CACNA2D1: variants seen among roughly 807,000 people sequenced by gnomAD.
The protein encoded by CACNA2D1 is calcium voltage-gated channel auxiliary subunit alpha2delta 1, also known as voltage-dependent calcium channel subunit alpha-2/delta-1.
CACNA2D1 carries 53 observed loss-of-function variants against 171.5 expected under a neutral mutation model. That is an observed-to-expected ratio of 0.31 (90% CI 0.25 to 0.39). The LOEUF (loss-of-function observed/expected upper bound fraction) is 0.39, where lower values mean the gene tolerates loss of function less well. Ranked by LOEUF, CACNA2D1 falls within the 10% of genes least tolerant of loss-of-function variation. CACNA2D1 has a pLI of 1.00. For missense variants in CACNA2D1, 903 were observed against 1,299.8 expected (o/e 0.69, Z 4.69); for synonymous variants, 442 against 443.1 (o/e 1.00, Z 0.03).
rs373277136 is a variant in CACNA2D1, at chr7:82,421,065, G to T, written c.95+22300C>A. Among the ~76,000 whole-genome samples the T allele has an allele frequency of 1.5e-4, 23 of 152,172 alleles. No individual in the cohort carries two copies. The South Asian group carries it at 4.8e-3, about 32-fold the overall frequency. On this transcript the variant is annotated intron_variant, in intron 1 of 38. Coordinates refer to ENST00000356860, the MANE Select transcript of CACNA2D1 (RefSeq NM_000722.4). ...ATTACAAAATACAACATACAGGGCA[G>T]TTTTTTCCTGACCATGCTCAGCTTA...
intron 6 of CACNA2D1, among the ~76,000 whole-genome samples, chr7:82,104,021 A>C (rs955432615): frequency 2.0e-5 from 3 of 152,082 alleles, no homozygotes; most frequent in Non-Finnish European, 4.4e-5. Context: ...CTATTCATTA[A>C]AATATAAACC....
chr7:82,076,099 G>A (rs963428906), intron 7 of CACNA2D1, among the ~76,000 whole-genome samples: 10 of 152,168 alleles, frequency 6.6e-5, no homozygotes, highest in African/African-American at 2.2e-4. Flanking sequence ...TGACCATAAG[G>A]TGAACAATTA....
chr7:81,969,091 C>T, intron 28 of CACNA2D1, 118 bp from the exon 29 acceptor site: 1 of 665,810 alleles, frequency 1.5e-6, no homozygotes, highest in Non-Finnish European at 2.6e-6. Flanking sequence ...CATCTACAAA[C>T]TATAAAATGT....
chr7:82,096,304 G>C (rs1811852823), intron 6 of CACNA2D1, among the ~76,000 whole-genome samples: 1 of 152,128 alleles, frequency 6.6e-6, no homozygotes, highest in African/African-American at 2.4e-5. Context: ...AAAACAGACA[G>C]TGGGCCATAC....
intron 1 of CACNA2D1, among the ~76,000 whole-genome samples, chr7:82,399,375 G>C (rs767087661): frequency 2.0e-5 from 3 of 151,746 alleles, no homozygotes; most frequent in Non-Finnish European, 2.9e-5. Context: ...AGGAGGCGGA[G>C]GCTGCAGTGA....
chr7:81,960,979 A>G (rs537929964), intron 36 of CACNA2D1, among the ~76,000 whole-genome samples: 207 of 152,038 alleles, frequency 1.4e-3, no homozygotes, highest in African/African-American at 4.7e-3. Context: ...GTCATAAAAC[A>G]TACTGACCAC....
At chr7:82,057,688 GAGATA>G (rs1806108753) in intron 10 of CACNA2D1, among the ~76,000 whole-genome samples, 1 of 152,082 alleles carries the variant, frequency 6.6e-6, no homozygotes. Context: ...TCTGTGGTTG[GAGATA>G]ACTGTGAATG....
intron 3 of CACNA2D1, among the ~76,000 whole-genome samples, chr7:82,256,338 G>A (rs555811435): frequency 2.1e-4 from 32 of 152,090 alleles, no homozygotes; most frequent in Non-Finnish European, 3.7e-4. Flanking sequence ...GACTATCAGA[G>A]TTTGATCTTC....
chr7:82,080,103 A>G (rs1217394377), intron 7 of CACNA2D1, among the ~76,000 whole-genome samples: 2 of 148,206 alleles, frequency 1.3e-5, no homozygotes, highest in Non-Finnish European at 3.0e-5. Context: ...AGATGTGTGT[A>G]TATATATACA....
intron 4 of CACNA2D1, among the ~76,000 whole-genome samples, chr7:82,139,083 CA>C (rs1452831859): frequency 6.6e-6 from 1 of 152,154 alleles, no homozygotes; most frequent in African/African-American, 2.4e-5. Flanking sequence ...TCTATATGCA[CA>C]CACTGTTGTG....
At chr7:82,044,235 C>G (rs77827706) in intron 10 of CACNA2D1, among the ~76,000 whole-genome samples, 3,902 of 152,070 alleles carry the variant, frequency 0.026, 172 homozygotes, top group African/African-American at 0.087. Context: ...GACCGTTCTC[C>G]TATGTATGGA....
intron 12 of CACNA2D1, among the ~76,000 whole-genome samples, chr7:82,024,147 T>G (rs897553053): frequency 2.7e-5 from 4 of 145,822 alleles, no homozygotes; most frequent in Non-Finnish European, 6.1e-5. Flanking sequence ...CTAACTTCAG[T>G]TTTTTTTTTG....
chr7:82,065,181 T>G (rs921406442), intron 8 of CACNA2D1, among the ~76,000 whole-genome samples: 1 of 152,152 alleles, frequency 6.6e-6, no homozygotes, highest in African/African-American at 2.4e-5. Context: ...CAGTTAACTT[T>G]CCAATTAGTT....
At chr7:82,278,847 C>T (rs79053302) in intron 3 of CACNA2D1, among the ~76,000 whole-genome samples, 1,577 of 152,204 alleles carry the variant, frequency 0.01, 21 homozygotes, top group African/African-American at 0.036. Flanking sequence ...AGGGGTAAGA[C>T]TTAAAATGCA....
intron 3 of CACNA2D1, among the ~76,000 whole-genome samples, chr7:82,291,369 T>A (rs1811545912): frequency 7.7e-6 from 1 of 130,180 alleles, no homozygotes; most frequent in African/African-American, 3.2e-5. Context: ...TATATAGATA[T>A]CTTTATACAT....
chr7:82,052,681 CAA>C (rs1228967503), intron 10 of CACNA2D1, among the ~76,000 whole-genome samples: 1 of 151,878 alleles, frequency 6.6e-6, no homozygotes, highest in African/African-American at 2.4e-5. Context: ...ATTATAAATG[CAA>C]ATAAGAATAT....
chr7:82,180,495 G>T (rs573673121), intron 3 of CACNA2D1, among the ~76,000 whole-genome samples: 76 of 152,250 alleles, frequency 5.0e-4, no homozygotes, highest in African/African-American at 1.8e-3. Context: ...AGCTTATTAG[G>T]TTGCAATTAG....
At chr7:82,393,936 T>G (rs1179267422) in intron 1 of CACNA2D1, among the ~76,000 whole-genome samples, 1 of 152,292 alleles carries the variant, frequency 6.6e-6, no homozygotes, top group South Asian at 2.1e-4. Flanking sequence ...AACCCTTTGT[T>G]GAAATGAGAA....
intron 38 of CACNA2D1, among the ~76,000 whole-genome samples, chr7:81,952,338 G>C (rs1241754077): frequency 6.6e-6 from 1 of 151,970 alleles, no homozygotes; most frequent in Admixed American, 6.6e-5. Flanking sequence ...TTGTTCACCA[G>C]GATTTAATAC....
Sources: gnomAD v4.1 joint callset for allele counts (sites outside exome capture counted in the v4.1 genomes callset) on GRCh38, gnomAD v4.1.1 for gene constraint, MANE v1.5 for transcripts, NCBI Gene and HGNC (gene_info 2026-07-23, HGNC 2026-07-21) for gene names.